The following EPHA6 variants were observed in gnomAD, a reference collection of about 807,000 sequenced individuals.
The protein encoded by EPHA6 is ephrin type-A receptor 6.
Under a neutral mutation model 112.0 loss-of-function variants are expected in EPHA6, and 50 were observed. The observed-to-expected ratio is 0.45, with a 90% CI of 0.36 to 0.56. EPHA6 has a LOEUF of 0.56. Ranked by LOEUF, EPHA6 falls within the 20% of genes least tolerant of loss-of-function variation. The pLI is 0.00. For missense variants in EPHA6, 1,280 were observed against 1,417.4 expected (o/e 0.90, Z 1.56); for synonymous variants, 529 against 490.7 (o/e 1.08, Z -1.03).
intron 5 of EPHA6, among the ~76,000 whole-genome samples, chr3:97,368,921 A>G (rs2084892447): frequency 1.3e-5 from 2 of 152,212 alleles, no homozygotes; most frequent in Admixed American, 6.5e-5. Context: ...TAAGGAAAAT[A>G]ACCTGGTTGC....
intron 2 of EPHA6, among the ~76,000 whole-genome samples, chr3:96,974,087 T>G (rs1253068860): frequency 8.2e-5 from 12 of 146,144 alleles, no homozygotes; most frequent in African/African-American, 3.0e-4. Context: ...GATTAATAAT[T>G]ATAAATAATA....
chr3:97,501,027 T>C (rs1256585475), intron 10 of EPHA6, among the ~76,000 whole-genome samples: 1 of 152,174 alleles, frequency 6.6e-6, no homozygotes, highest in Non-Finnish European at 1.5e-5. Context: ...ACACTTACTA[T>C]TTGGGATAAC....
At chr3:97,371,738 G>A (rs1001249864) in intron 5 of EPHA6, among the ~76,000 whole-genome samples, 4 of 152,134 alleles carry the variant, frequency 2.6e-5, no homozygotes, top group Non-Finnish European at 4.4e-5. Context: ...AAGCAAATAG[G>A]AGAAATATTG....
intron 5 of EPHA6, among the ~76,000 whole-genome samples, chr3:97,283,887 C>T (rs1481729696): frequency 6.6e-6 from 1 of 152,090 alleles, no homozygotes; most frequent in Non-Finnish European, 1.5e-5. Context: ...TCAATTCAGT[C>T]AACAAGGGAT....
intron 2 of EPHA6, 86 bp downstream of exon 2, chr3:96,866,975 T>G: frequency 1.7e-4 from 109 of 651,596 alleles, no homozygotes; most frequent in Non-Finnish European, 2.5e-4. Flanking sequence ...TTTTGGGCCC[T>G]ACTTGTTATG....
At chr3:97,608,697 A>G (rs1330873395) in intron 12 of EPHA6, among the ~76,000 whole-genome samples, 1 of 151,210 alleles carries the variant, frequency 6.6e-6, no homozygotes, top group African/African-American at 2.4e-5. Context: ...AGGTGACTAC[A>G]AAAGTAAAGG....
intron 2 of EPHA6, among the ~76,000 whole-genome samples, chr3:96,956,891 G>A (rs1031314921): frequency 6.6e-6 from 1 of 151,894 alleles, no homozygotes; most frequent in Non-Finnish European, 1.5e-5. Flanking sequence ...AAATTAGTTG[G>A]GTGTGGTGAT....
intron 5 of EPHA6, among the ~76,000 whole-genome samples, chr3:97,335,319 A>G (rs537743314): frequency 3.5e-4 from 53 of 152,296 alleles, no homozygotes; most frequent in Middle Eastern, 6.8e-3. Flanking sequence ...AATACTTGCA[A>G]TACATTTGGA....
At chr3:97,033,719 A>C (rs1358047992) in intron 3 of EPHA6, among the ~76,000 whole-genome samples, 1 of 151,962 alleles carries the variant, frequency 6.6e-6, no homozygotes, top group Non-Finnish European at 1.5e-5. Flanking sequence ...ACAAATAATA[A>C]ATTAATGTTC....
At chr3:96,842,746 T>A (rs1244707259) in intron 1 of EPHA6, among the ~76,000 whole-genome samples, 1 of 148,974 alleles carries the variant, frequency 6.7e-6, no homozygotes, top group Admixed American at 6.6e-5. Flanking sequence ...CTCTATTCAT[T>A]TTCCATATAA....
intron 4 of EPHA6, among the ~76,000 whole-genome samples, chr3:97,234,696 T>C (rs2078631065): frequency 6.6e-6 from 1 of 152,156 alleles, no homozygotes; most frequent in Admixed American, 6.6e-5. Flanking sequence ...TTCTTCTTCT[T>C]TTGCTCACCT....
chr3:97,101,580 T>C (rs2047405257), intron 3 of EPHA6, among the ~76,000 whole-genome samples: 1 of 152,052 alleles, frequency 6.6e-6, no homozygotes, highest in Non-Finnish European at 1.5e-5. Flanking sequence ...AGCAAGTTTT[T>C]CTGTTTGGGC....
intron 5 of EPHA6, among the ~76,000 whole-genome samples, chr3:97,322,904 T>C (rs1166480800): frequency 6.6e-6 from 1 of 152,018 alleles, no homozygotes; most frequent in African/African-American, 2.4e-5. Context: ...TATTATTTAA[T>C]CAAATTTTTC....
At chr3:97,288,325 G>C (rs902053612) in intron 5 of EPHA6, among the ~76,000 whole-genome samples, 33 of 152,110 alleles carry the variant, frequency 2.2e-4, no homozygotes, top group African/African-American at 8.0e-4. Context: ...TTAAAAATGA[G>C]AACATGCAAT....
intron 3 of EPHA6, among the ~76,000 whole-genome samples, chr3:97,126,784 A>G (rs575541092): frequency 6.6e-6 from 1 of 152,210 alleles, no homozygotes; most frequent in South Asian, 2.1e-4. Flanking sequence ...AACTAAAACT[A>G]GCATATTAAT....
At chr3:97,254,902 A>C (rs1461912710) in intron 5 of EPHA6, among the ~76,000 whole-genome samples, 1 of 152,176 alleles carries the variant, frequency 6.6e-6, no homozygotes, top group Non-Finnish European at 1.5e-5. Flanking sequence ...GAAGGTCACC[A>C]TCCCCTGCAT....
intron 5 of EPHA6, among the ~76,000 whole-genome samples, chr3:97,335,112 C>T (rs1410845235): frequency 1.3e-5 from 2 of 152,160 alleles, no homozygotes; most frequent in South Asian, 2.1e-4. Context: ...ATGTTGAGGA[C>T]CTAACTCCCA....
chr3:97,636,049 G>C (rs140437724), intron 13 of EPHA6, among the ~76,000 whole-genome samples: 14 of 152,062 alleles, frequency 9.2e-5, no homozygotes, highest in Non-Finnish European at 8.8e-5. Flanking sequence ...TAAGTGAGGA[G>C]CTGTGCTGTC....
intron 2 of EPHA6, among the ~76,000 whole-genome samples, chr3:96,892,172 A>C (rs1394748355): frequency 6.6e-6 from 1 of 152,146 alleles, no homozygotes; most frequent in East Asian, 1.9e-4. Context: ...GAGAATACAC[A>C]CACACCTCTC....
Sources: gnomAD v4.1 joint callset for allele counts (sites outside exome capture counted in the v4.1 genomes callset) on GRCh38, gnomAD v4.1.1 for gene constraint, MANE v1.5 for transcripts, NCBI Gene and HGNC (gene_info 2026-07-23, HGNC 2026-07-21) for gene names.